The following EGFLAM variants were observed in gnomAD, a reference collection of about 807,000 sequenced individuals.
EGFLAM encodes EGF like, fibronectin type III and laminin G domains.
Under a neutral mutation model 113.1 loss-of-function variants are expected in EGFLAM, and 79 were observed. The observed-to-expected ratio is 0.70, with a 90% CI of 0.58 to 0.84. EGFLAM has a LOEUF of 0.84. Ranked by LOEUF, EGFLAM falls within the 40% of genes least tolerant of loss-of-function variation. EGFLAM has a pLI of 0.00. For synonymous variants in EGFLAM, 504 were observed against 487.6 expected (o/e 1.03, Z -0.44); for missense variants, 1,265 against 1,291.6 (o/e 0.98, Z 0.32).
At chr5:38,382,849 A>G (rs1247654682) in intron 6 of EGFLAM, among the ~76,000 whole-genome samples, 1 of 152,164 alleles carries the variant, frequency 6.6e-6, no homozygotes, top group East Asian at 1.9e-4. Flanking sequence ...GCTGCTTTTG[A>G]ACTCTAATCC....
chr5:38,408,174 G>A (rs1741355523), intron 9 of EGFLAM, among the ~76,000 whole-genome samples: 1 of 152,148 alleles, frequency 6.6e-6, no homozygotes, highest in South Asian at 2.1e-4. Flanking sequence ...GAGAATGTTG[G>A]GGTCCGAGCA....
intron 5 of EGFLAM, among the ~76,000 whole-genome samples, chr5:38,369,720 C>T (rs1447948897): frequency 6.6e-6 from 1 of 152,182 alleles, no homozygotes; most frequent in African/African-American, 2.4e-5. Flanking sequence ...CAGATGGGAG[C>T]TCTAAGCAAA....
At chr5:38,377,583 G>A (rs992301169) in intron 6 of EGFLAM, among the ~76,000 whole-genome samples, 1 of 152,202 alleles carries the variant, frequency 6.6e-6, no homozygotes, top group African/African-American at 2.4e-5. Flanking sequence ...TACTGCTACT[G>A]TATGGGAACT....
intron 6 of EGFLAM, among the ~76,000 whole-genome samples, chr5:38,393,961 G>T (rs920866891): frequency 1.3e-5 from 2 of 152,130 alleles, no homozygotes; most frequent in African/African-American, 4.8e-5. Context: ...GCGGTGGGTG[G>T]CTCTCAGCGG....
intron 19 of EGFLAM, among the ~76,000 whole-genome samples, chr5:38,452,787 G>A (rs1034931850): frequency 6.6e-6 from 1 of 152,176 alleles, no homozygotes; most frequent in Non-Finnish European, 1.5e-5. Context: ...GGGTGTTACC[G>A]ATAACGCAGT....
At chr5:38,385,288 C>A (rs1487575033) in intron 6 of EGFLAM, among the ~76,000 whole-genome samples, 3 of 109,594 alleles carry the variant, frequency 2.7e-5, no homozygotes, top group East Asian at 3.6e-4. Context: ...ACCCCCCCCC[C>A]CCGCCCCCGC....
chr5:38,448,589 G>T (rs1011154916), intron 18 of EGFLAM, among the ~76,000 whole-genome samples: 3 of 152,188 alleles, frequency 2.0e-5, no homozygotes, highest in Admixed American at 2.0e-4. Context: ...TTGAGAAATT[G>T]ACCTTTCAGA....
chr5:38,415,004 G>T (rs1056576617), intron 11 of EGFLAM, among the ~76,000 whole-genome samples: 2 of 152,114 alleles, frequency 1.3e-5, no homozygotes, highest in African/African-American at 2.4e-5. Context: ...GCCAGTGAAA[G>T]CTTGAATTAT....
chr5:38,451,738 C>A, intron 19 of EGFLAM: 1 of 340,038 alleles, frequency 2.9e-6, no homozygotes, highest in Non-Finnish European at 5.3e-6. Flanking sequence ...CGCCTGTAAT[C>A]CTAGCACTTC....
intron 6 of EGFLAM, among the ~76,000 whole-genome samples, chr5:38,373,467 C>G (rs776702475): frequency 3.3e-5 from 5 of 152,138 alleles, no homozygotes; most frequent in Non-Finnish European, 5.9e-5. Flanking sequence ...CTTTATGTCC[C>G]CATGTACCAA....
At chr5:38,322,137 A>T (rs1738759720) in intron 1 of EGFLAM, among the ~76,000 whole-genome samples, 1 of 152,130 alleles carries the variant, frequency 6.6e-6, no homozygotes, top group Admixed American at 6.5e-5. Flanking sequence ...ACACGCATGG[A>T]CACCTGCCCA....
intron 1 of EGFLAM, among the ~76,000 whole-genome samples, chr5:38,318,038 A>C (rs967968954): frequency 2.6e-5 from 4 of 152,116 alleles, no homozygotes; most frequent in African/African-American, 7.2e-5. Flanking sequence ...GTGAGCGGGC[A>C]CTTGGGGAAG....
At chr5:38,329,891 C>G (rs1738995949) in intron 1 of EGFLAM, among the ~76,000 whole-genome samples, 1 of 152,104 alleles carries the variant, frequency 6.6e-6, no homozygotes, top group Non-Finnish European at 1.5e-5. Flanking sequence ...ACTGACAGTG[C>G]CTGGTATGTA....
At chr5:38,326,821 C>G (rs1450291962) in intron 1 of EGFLAM, among the ~76,000 whole-genome samples, 3 of 140,078 alleles carry the variant, frequency 2.1e-5, no homozygotes, top group African/African-American at 8.1e-5. Flanking sequence ...TTTTTTGAGA[C>G]AGAGTTTTGC....
chr5:38,348,150 C>T (rs988205573), intron 3 of EGFLAM, among the ~76,000 whole-genome samples: 3 of 152,004 alleles, frequency 2.0e-5, no homozygotes, highest in Non-Finnish European at 4.4e-5. Flanking sequence ...GGTTATGTTA[C>T]ACTTGGGGTG....
At chr5:38,424,886 G>A (rs1372415635) in intron 12 of EGFLAM, 81 bp from the exon 13 acceptor site, 1 of 1,551,872 alleles carries the variant, frequency 6.4e-7, no homozygotes, top group East Asian at 2.3e-5. Flanking sequence ...TCAGAACCAT[G>A]AGCTGCTGGT....
intron 12 of EGFLAM, among the ~76,000 whole-genome samples, chr5:38,423,427 C>A (rs1561083633): frequency 6.6e-6 from 1 of 152,134 alleles, no homozygotes; most frequent in East Asian, 1.9e-4. Flanking sequence ...GCTTTCATGA[C>A]CTCCCCTCCC....
intron 1 of EGFLAM, among the ~76,000 whole-genome samples, chr5:38,288,250 T>C (rs1758218490): frequency 6.6e-6 from 1 of 152,230 alleles, no homozygotes; most frequent in Non-Finnish European, 1.5e-5. Flanking sequence ...GTGGTAAGGC[T>C]GTTTTATTGT....
chr5:38,424,975 A>G lies in EGFLAM; in HGVS notation c.1693A>G (p.Ser565Gly). 6.2e-7 allele frequency: 1 copy of G among 1,613,864 alleles called. No homozygotes were observed. Among genetic ancestry groups the G allele is most frequent in the Non-Finnish European group, 8.5e-7 (1 of 1,179,838 alleles). The change falls in exon 13 of 22, where the codon AGC becomes GGC. Residue 565 changes from serine (S) to glycine (G), a missense_variant. Coordinates refer to ENST00000322350, the MANE Select transcript of EGFLAM (RefSeq NM_152403.4). ...TCCCATTCTGTATTTAGGGGAATGC[A>G]GCAGTGGAATCTGTGATGAGGCCTC... ...ALSGADVGEC[S>G]SGICDEASCI...
Sources: gnomAD v4.1 joint callset for allele counts (sites outside exome capture counted in the v4.1 genomes callset) on GRCh38, gnomAD v4.1.1 for gene constraint, MANE v1.5 for transcripts, NCBI Gene and HGNC (gene_info 2026-07-23, HGNC 2026-07-21) for gene names.